Variants in ARPIN observed in about 807,000 individuals in gnomAD.
ARPIN encodes UPF0552 protein C15orf38.
ARPIN carries 23 observed loss-of-function variants against 25.9 expected under a neutral mutation model. That is an observed-to-expected ratio of 0.89 (90% CI 0.64 to 1.26). ARPIN has a LOEUF of 1.26. Among genes scored for constraint, ARPIN ranks in the 50% most tolerant of loss-of-function variants. ARPIN has a pLI of 0.00. For missense variants in ARPIN, 333 were observed against 312.2 expected (o/e 1.07, Z -0.50); for synonymous variants, 126 against 131.4 (o/e 0.96, Z 0.28).
At chr15:89,908,807 C>A (rs1171683959) in intron 2 of ARPIN, among the ~76,000 whole-genome samples, 1 of 151,998 alleles carries the variant, frequency 6.6e-6, no homozygotes, top group Non-Finnish European at 1.5e-5. Context: ...CATGGTGAAA[C>A]CCTGTCTCCA....
rs1896934793 is a variant in ARPIN, at chr15:89,896,611, A to C, written c.*5184T>G. ...CAGATATATAAAGTTTTTTTATAAA[A>C]AGAATTATTTAATGGAAAAATCGTT... On this transcript the variant is annotated 3_prime_UTR_variant, in exon 6 of 6. Transcript: ENST00000357484. The C allele has an allele frequency of 6.6e-6, 1 of 152,214 alleles. No homozygotes were observed. Among genetic ancestry groups the C allele is most frequent in the Non-Finnish European group, 1.5e-5 (1 of 68,034 alleles). The allele number at this position is 152,214 out of a possible 1,614,324, so 9.4% of individuals were successfully genotyped here. A position where few individuals can be genotyped will look rare whatever the true frequency, so the allele number is the denominator to read the frequency against.
chr15:89,898,337 C>A lies in ARPIN; in HGVS notation c.*3458G>T, dbSNP rs8033554. 72,898 of 151,514 alleles carry A rather than the reference C, an allele frequency of 0.48. 17,861 individuals carry two copies. Among genetic ancestry groups the A allele is most frequent in the East Asian group, 0.6 (3,094 of 5,140 alleles). 9.4% of individuals were successfully genotyped at this position (151,514 alleles called of 1,614,324 possible). On this transcript the variant is annotated 3_prime_UTR_variant, in exon 6 of 6. Coordinates refer to ENST00000357484, the MANE Select transcript of ARPIN (RefSeq NM_182616.4). Reference sequence around the variant, plus strand: ...CAAGGCAATGCAAGTGGGGGAGTGACCTGCTCTGGGAACAGCCAGCCCCTC... The same window carrying A: ...CAAGGCAATGCAAGTGGGGGAGTGAACTGCTCTGGGAACAGCCAGCCCCTC...
chr15:89,901,181 G>A lies in ARPIN; in HGVS notation c.*614C>T. ...GCAGGATAGTACAGGCTACAACACA[G>A]AGTGCTGAGGAAGGGGTGGGTGGGG... is the stretch of plus-strand genomic sequence containing the variant. On this transcript the variant is annotated 3_prime_UTR_variant, in exon 6 of 6. Coordinates refer to ENST00000357484, the MANE Select transcript of ARPIN (RefSeq NM_182616.4). 6.4e-6 allele frequency: 1 copy of A among 155,890 alleles called. No homozygotes were observed. The highest frequency in any genetic ancestry group is 2.0e-4 in the South Asian group (1 of 5,036). 9.7% of individuals were successfully genotyped at this position (155,890 alleles called of 1,614,324 possible). A position where few individuals can be genotyped will look rare whatever the true frequency, so the allele number is the denominator to read the frequency against.
Position 89,898,022 on chromosome 15 carries a change from A to T in ARPIN, c.*3773T>A, listed in dbSNP as rs1896957308. ...ACAGTAATCCTCCTGCTGAGGCAGGAGAAACTCTTGAACCTGGGAGGTGGA... is the reference window on the plus strand; with the variant it reads ...ACAGTAATCCTCCTGCTGAGGCAGGTGAAACTCTTGAACCTGGGAGGTGGA... On this transcript the variant is annotated 3_prime_UTR_variant, in exon 6 of 6. Coordinates refer to ENST00000357484, the MANE Select transcript of ARPIN (RefSeq NM_182616.4). 1 of 151,850 alleles carries T rather than the reference A, an allele frequency of 6.6e-6. No homozygotes were observed. Among genetic ancestry groups the T allele is most frequent in the Non-Finnish European group, 1.5e-5 (1 of 68,024 alleles). 9.4% of individuals were successfully genotyped at this position (151,850 alleles called of 1,614,324 possible). A position where few individuals can be genotyped will look rare whatever the true frequency, so the allele number is the denominator to read the frequency against.
intron 1 of ARPIN, chr15:89,912,464 G>A: frequency 1.6e-6 from 2 of 1,240,490 alleles, no homozygotes; most frequent in Non-Finnish European, 2.0e-6. Context: ...GGCGTGAGGC[G>A]AAGCCCAGCC....
Position 89,904,766 on chromosome 15 carries a change from C to T in ARPIN, c.302-783G>A, listed in dbSNP as rs560687370. Among the ~76,000 whole-genome samples the T allele has an allele frequency of 3.2e-4, 49 of 152,282 alleles. 1 individual carries two copies. The South Asian group carries it at 7.0e-3, about 22-fold the overall frequency. ...CTGCGCCACGCCAAGCCCAGGTGGC[C>T]GCACTTCACTGGAGAACATCCCAGC... On this transcript the variant is annotated intron_variant, in intron 3 of 5. Transcript: ENST00000357484.
chr15:89,912,551 T>C (rs1056034118), intron 1 of ARPIN, 193 bp downstream of exon 1: 3 of 1,348,224 alleles, frequency 2.2e-6, no homozygotes, highest in African/African-American at 1.5e-5. Context: ...CCGATCTGTG[T>C]CATGGGGTCG....
At chr15:89,904,083 A>T in intron 3 of ARPIN, 100 bp from the exon 4 acceptor site, 20 of 1,388,698 alleles carry the variant, frequency 1.4e-5, no homozygotes, top group Non-Finnish European at 1.8e-5. Flanking sequence ...TTCCAAGCTC[A>T]GTCACCCGGA....
chr15:89,907,388 A>G (rs1194243175), intron 3 of ARPIN, among the ~76,000 whole-genome samples: 1 of 152,164 alleles, frequency 6.6e-6, no homozygotes, highest in Non-Finnish European at 1.5e-5. Context: ...TTAAAAAAGA[A>G]AAAAAATCAT....
At chr15:89,912,553 A>G in intron 1 of ARPIN, 191 bp downstream of exon 1, 1 of 1,348,578 alleles carries the variant, frequency 7.4e-7, no homozygotes, top group Non-Finnish European at 9.5e-7. Flanking sequence ...GATCTGTGTC[A>G]TGGGGTCGCT....
At chr15:89,909,695 G>A (rs1211843581) in intron 2 of ARPIN, among the ~76,000 whole-genome samples, 1 of 152,216 alleles carries the variant, frequency 6.6e-6, no homozygotes, top group Non-Finnish European at 1.5e-5. Context: ...CCAGAAGGCA[G>A]GGGGACAGGT....
chr15:89,903,089 TC>T lies in ARPIN; in HGVS notation c.672+126del, dbSNP rs1897049700. On this transcript the variant is annotated intron_variant, in intron 5 of 5. Coordinates refer to ENST00000357484, the MANE Select transcript of ARPIN (RefSeq NM_182616.4). ...TGATGCTAACACATTCCCAGGTGTT[TC>T]ACAGAATTCCACTAAAGCTGGGGGG... 1.3e-5 allele frequency: 20 copies of T among 1,587,574 alleles called. No individual in the cohort carries two copies. In the South Asian group the frequency reaches 2.3e-4, roughly 18 times the overall value.
intron 3 of ARPIN, among the ~76,000 whole-genome samples, chr15:89,907,450 G>T (rs1567196400): frequency 6.6e-6 from 1 of 152,122 alleles, no homozygotes; most frequent in African/African-American, 2.4e-5. Flanking sequence ...GGACCTTTAG[G>T]AGGTGAGTCA....
chr15:89,906,075 A>C (rs1897115763), intron 3 of ARPIN, among the ~76,000 whole-genome samples: 1 of 152,012 alleles, frequency 6.6e-6, no homozygotes, highest in South Asian at 2.1e-4. Flanking sequence ...CACTGAGGCC[A>C]CTGTGCCTCC....
At chr15:89,908,998 A>C (rs1392955444) in intron 2 of ARPIN, among the ~76,000 whole-genome samples, 6 of 152,014 alleles carry the variant, frequency 3.9e-5, no homozygotes, top group Non-Finnish European at 7.4e-5. Context: ...ACAAAAACAA[A>C]ACAAAACAAA....
At position 89,908,310 on chromosome 15, in the gene ARPIN, C is replaced by T; in HGVS notation, c.271G>A (p.Val91Met). ...IEPNFSATRK[V>M]NTGFLMSSYK... ...GACGACATGAGGAAGCCCGTGTTCA[C>T]CTTCCTGGTGGCGCTGAAGTTGGGC... The change falls in exon 3 of 6, where the codon GTG (valine) becomes ATG (methionine). Residue 91 changes from valine (V) to methionine (M), a missense_variant. Val to Met is a conservative substitution (Grantham distance 21). Coordinates refer to ENST00000357484, the MANE Select transcript of ARPIN (RefSeq NM_182616.4). 1 of 1,614,212 alleles carries T rather than the reference C, an allele frequency of 6.2e-7. No homozygotes were observed. The highest frequency in any genetic ancestry group is 8.5e-7 in the Non-Finnish European group (1 of 1,180,026).
Position 89,908,405 on chromosome 15 carries a change from T to A in ARPIN, c.176A>T (p.Tyr59Phe). The A allele has an allele frequency of 1.9e-6, 3 of 1,613,460 alleles. No individual in the cohort carries two copies. Among genetic ancestry groups the A allele is most frequent in the Non-Finnish European group, 1.7e-6 (2 of 1,179,970 alleles). The change falls in exon 3 of 6, where the codon TAC becomes TTC. Residue 59 changes from tyrosine to phenylalanine, a missense_variant. Physicochemically the swap from Tyr to Phe is conservative, Grantham distance 22. Transcript: ENST00000357484. ...ACTGGGCCGGATATACAGCACGTAG[T>A]AGCGCTCCTGGGGCCAGGCAGACAG... ...ILDTHGRKER[Y>F]YVLYIRPSHI...
chr15:89,912,659 C>CCCCTTGGGGG, intron 1 of ARPIN, 85 bp downstream of exon 1: 2 of 1,161,502 alleles, frequency 1.7e-6, no homozygotes, highest in Middle Eastern at 3.8e-4. Flanking sequence ...TTCCCCCACC[C>CCCCTTGGGGG]GCATCCCACC....
At chr15:89,905,690 C>T (rs1897108166) in intron 3 of ARPIN, among the ~76,000 whole-genome samples, 1 of 152,104 alleles carries the variant, frequency 6.6e-6, no homozygotes, top group South Asian at 2.1e-4. Flanking sequence ...AGACATGACA[C>T]CTTCCCATCC....
Sources: allele counts gnomAD v4.1 joint callset (sites outside exome capture counted in the v4.1 genomes callset), GRCh38; gene constraint gnomAD v4.1.1; transcripts MANE v1.5; gene names NCBI Gene and HGNC (gene_info 2026-07-23, HGNC 2026-07-21).